Variants in CREM observed in about 807,000 individuals in gnomAD.
The protein encoded by CREM is cAMP responsive element modulator, also known as cAMP-responsive element modulator.
A neutral mutation model predicts 37.3 loss-of-function variants in CREM; 13 were observed. The observed-to-expected ratio is 0.35, with a 90% CI of 0.23 to 0.55. CREM has a LOEUF of 0.55. CREM is among the 20% of genes least tolerant of loss of function. CREM has a pLI of 0.88. For missense variants in CREM, 296 were observed against 362.3 expected (o/e 0.82, Z 1.49); for synonymous variants, 124 against 120.2 (o/e 1.03, Z -0.21).
intron 2 of CREM, among the ~76,000 whole-genome samples, chr10:35,145,721 G>A (rs991015110): frequency 7.1e-6 from 1 of 141,784 alleles, no homozygotes; most frequent in Non-Finnish European, 1.5e-5. Context: ...AGAGGTTGCA[G>A]TGAGCCGAGA....
intron 5 of CREM, among the ~76,000 whole-genome samples, chr10:35,181,161 G>T (rs2094336115): frequency 6.6e-6 from 1 of 152,188 alleles, no homozygotes; most frequent in South Asian, 2.1e-4. Flanking sequence ...AAATGTATGG[G>T]GTTGAAGCTG....
intron 3 of CREM, among the ~76,000 whole-genome samples, chr10:35,166,544 G>A (rs1385529621): frequency 1.4e-5 from 2 of 147,378 alleles, no homozygotes; most frequent in Non-Finnish European, 3.0e-5. Flanking sequence ...CAGCCTGGGC[G>A]ACAGAACAAG....
intron 3 of CREM, among the ~76,000 whole-genome samples, chr10:35,155,936 T>C (rs1365995515): frequency 1.4e-5 from 2 of 141,816 alleles, no homozygotes; most frequent in Non-Finnish European, 3.1e-5. Flanking sequence ...GCCTCTTCTT[T>C]CTTTCTTTCT....
chr10:35,163,713 C>T (rs181894267), intron 3 of CREM, among the ~76,000 whole-genome samples: 32 of 151,982 alleles, frequency 2.1e-4, no homozygotes, highest in Admixed American at 5.2e-4. Flanking sequence ...CCCAGCTACT[C>T]GGGAGGCTGA....
At chr10:35,207,790 T>C (rs1366280933) in intron 7 of CREM, among the ~76,000 whole-genome samples, 27 of 152,030 alleles carry the variant, frequency 1.8e-4, no homozygotes, top group Admixed American at 1.8e-3. Flanking sequence ...AAAATTACAG[T>C]TTTCATAAGC....
chr10:35,183,378 A>T (rs2094432854), intron 5 of CREM, among the ~76,000 whole-genome samples: 1 of 152,218 alleles, frequency 6.6e-6, no homozygotes, highest in African/African-American at 2.4e-5. Context: ...AGGCTTACAC[A>T]TTCGAAAGTT....
intron 3 of CREM, among the ~76,000 whole-genome samples, chr10:35,178,506 C>G (rs1015048607): frequency 6.6e-6 from 1 of 152,228 alleles, no homozygotes; most frequent in Admixed American, 6.5e-5. Context: ...GAGCTCTCTT[C>G]TGCGTTGGCC....
At chr10:35,165,078 A>AAG (rs1491207726) in intron 3 of CREM, among the ~76,000 whole-genome samples, 11 of 148,924 alleles carry the variant, frequency 7.4e-5, no homozygotes, top group East Asian at 5.9e-4. Flanking sequence ...AAAAAAAAAA[A>AAG]GAAAAGGAAA....
intron 2 of CREM, among the ~76,000 whole-genome samples, chr10:35,140,562 A>G (rs555043347): frequency 2.4e-4 from 36 of 152,318 alleles, no homozygotes; most frequent in Non-Finnish European, 1.5e-5. Flanking sequence ...AGGCACTGGG[A>G]ATGCATGGAA....
chr10:35,133,951 A>G (rs1012636468), intron 1 of CREM, among the ~76,000 whole-genome samples: 1 of 152,184 alleles, frequency 6.6e-6, no homozygotes, highest in Non-Finnish European at 1.5e-5. Context: ...AAACTTTGGT[A>G]TTCTAGTAAA....
chr10:35,181,746 T>G (rs1192120276), intron 5 of CREM, among the ~76,000 whole-genome samples: 1 of 152,094 alleles, frequency 6.6e-6, no homozygotes, highest in Non-Finnish European at 1.5e-5. Context: ...TGTGGTGGTA[T>G]GCGCTCATCC....
At chr10:35,199,645 G>A (rs2134192738) in intron 6 of CREM, among the ~76,000 whole-genome samples, 1 of 152,172 alleles carries the variant, frequency 6.6e-6, no homozygotes, top group Non-Finnish European at 1.5e-5. Flanking sequence ...ACTGATACAT[G>A]CCCAACTACA....
At chr10:35,163,295 C>T (rs533061125) in intron 3 of CREM, among the ~76,000 whole-genome samples, 1 of 152,094 alleles carries the variant, frequency 6.6e-6, no homozygotes, top group South Asian at 2.1e-4. Flanking sequence ...GGTAATATAC[C>T]ATGGTAGGTA....
chr10:35,207,192 A>G, intron 7 of CREM, 141 bp downstream of exon 7: 1 of 811,988 alleles, frequency 1.2e-6, no homozygotes, highest in South Asian at 1.9e-5. Context: ...GGAGATCAAG[A>G]CCATCCTGGC....
rs1489946976 is a variant in CREM at position 35,179,211 on chromosome 10, C to T, written c.344C>T (p.Thr115Ile). The T allele has an allele frequency of 6.2e-7, 1 of 1,614,116 alleles. No homozygotes were observed. Among genetic ancestry groups the T allele is most frequent in the Non-Finnish European group, 8.5e-7 (1 of 1,179,978 alleles). ...IEEERSEEEG[T>I]PPSIATMAVP... ...GAAGAGAGATCAGAGGAAGAAGGAA[C>T]ACCACCTAGTATTGCTACCATGGCA... is the stretch of plus-strand genomic sequence containing the variant. The change falls in exon 5 of 8, where the codon ACA becomes ATA. Residue 115 changes from threonine (T) to isoleucine (I), a missense_variant. Thr to Ile is a moderately conservative substitution (Grantham distance 89). Coordinates refer to ENST00000685392, the MANE Select transcript of CREM (RefSeq NM_183011.2).
chr10:35,196,158 T>C (rs1201645102), intron 6 of CREM: 4 of 1,573,518 alleles, frequency 2.5e-6, no homozygotes, highest in Non-Finnish European at 3.5e-6. Context: ...AAATGGATTA[T>C]GTATTGTATA....
intron 5 of CREM, among the ~76,000 whole-genome samples, chr10:35,182,307 T>C (rs1222209765): frequency 6.6e-6 from 1 of 152,100 alleles, no homozygotes; most frequent in Non-Finnish European, 1.5e-5. Flanking sequence ...TTTCCTTTGG[T>C]TTTTGAATAG....
chr10:35,170,839 A>G (rs1434579636), intron 3 of CREM, among the ~76,000 whole-genome samples: 1 of 152,100 alleles, frequency 6.6e-6, no homozygotes, highest in Admixed American at 6.6e-5. Flanking sequence ...GTATAATTAT[A>G]AGGTTGACGC....
chr10:35,208,524 C>T (rs2095589893), intron 7 of CREM, among the ~76,000 whole-genome samples: 1 of 152,158 alleles, frequency 6.6e-6, no homozygotes. Flanking sequence ...TCACCTTAGT[C>T]CTAATGTCAA....
Sources: gnomAD v4.1 joint callset for allele counts (sites outside exome capture counted in the v4.1 genomes callset) on GRCh38, gnomAD v4.1.1 for gene constraint, MANE v1.5 for transcripts, NCBI Gene and HGNC (gene_info 2026-07-23, HGNC 2026-07-21) for gene names.